ZHX2: variants seen among roughly 807,000 people sequenced by gnomAD.
ZHX2 encodes the protein zinc fingers and homeoboxes protein 2.
A neutral mutation model predicts 21.9 loss-of-function variants in ZHX2; 6 were observed. The observed-to-expected ratio is 0.27, with a 90% CI of 0.15 to 0.54. ZHX2 has a LOEUF of 0.54. Ranked by LOEUF, ZHX2 falls within the 20% of genes least tolerant of loss-of-function variation. ZHX2 has a pLI of 0.95. For synonymous variants in ZHX2, 434 were observed against 437.1 expected, an observed-to-expected ratio of 0.99 and a Z score of 0.09; for missense variants, 908 against 1,090.7, an observed-to-expected ratio of 0.83 and a Z score of 2.36.
At chr8:122,818,009 GT>G (rs1163139069) in intron 1 of ZHX2, among the ~76,000 whole-genome samples, 1 of 152,254 alleles carries the variant, frequency 6.6e-6, no homozygotes, top group East Asian at 1.9e-4. Flanking sequence ...CAGGGCACTT[GT>G]TATCATTCAA....
At chr8:122,832,671 G>T (rs1245192313) in intron 1 of ZHX2, among the ~76,000 whole-genome samples, 4 of 152,114 alleles carry the variant, frequency 2.6e-5, no homozygotes, top group Non-Finnish European at 5.9e-5. Flanking sequence ...GGAACCCAGA[G>T]CCTAAAATAT....
At chr8:122,918,713 G>A (rs1054194749) in intron 2 of ZHX2, among the ~76,000 whole-genome samples, 21 of 152,134 alleles carry the variant, frequency 1.4e-4, no homozygotes, top group Admixed American at 1.0e-3. Flanking sequence ...TTGGGAGGCC[G>A]AGGCATGTGG....
chr8:122,869,823 G>A (rs1014199290), intron 2 of ZHX2, among the ~76,000 whole-genome samples: 8 of 152,336 alleles, frequency 5.3e-5, no homozygotes, highest in Middle Eastern at 6.8e-3. Flanking sequence ...TCCATGTGCT[G>A]TGCCTTCCTC....
chr8:122,928,218 A>G (rs1189785153), intron 2 of ZHX2, among the ~76,000 whole-genome samples: 1 of 152,174 alleles, frequency 6.6e-6, no homozygotes, highest in African/African-American at 2.4e-5. Context: ...TATCTGTTAA[A>G]TGAATAGAGG....
chr8:122,888,386 C>G (rs956085995), intron 2 of ZHX2, among the ~76,000 whole-genome samples: 1 of 152,140 alleles, frequency 6.6e-6, no homozygotes, highest in Non-Finnish European at 1.5e-5. Context: ...TTCATCACTT[C>G]AAACATGTAC....
At chr8:122,955,895 A>G (rs1813287842) in intron 3 of ZHX2, among the ~76,000 whole-genome samples, 1 of 138,682 alleles carries the variant, frequency 7.2e-6, no homozygotes, top group Non-Finnish European at 1.5e-5. Context: ...CCCAGGCTGG[A>G]ATGCAATGGC....
chr8:122,806,311 A>C (rs978040175), intron 1 of ZHX2, among the ~76,000 whole-genome samples: 3 of 152,314 alleles, frequency 2.0e-5, no homozygotes, highest in Admixed American at 1.3e-4. Flanking sequence ...CTTCCTTTAC[A>C]GGGGCATTTG....
intron 1 of ZHX2, among the ~76,000 whole-genome samples, chr8:122,803,743 G>T (rs1041231195): frequency 2.0e-5 from 3 of 152,050 alleles, no homozygotes; most frequent in South Asian, 2.1e-4. Context: ...TTTCTGTCTT[G>T]GTCCCAGTAG....
intron 1 of ZHX2, among the ~76,000 whole-genome samples, chr8:122,852,033 A>G (rs964942697): frequency 1.3e-5 from 2 of 152,156 alleles, no homozygotes; most frequent in Non-Finnish European, 2.9e-5. Context: ...TTTGAGTACT[A>G]TTTTTGCTGC....
chr8:122,829,820 G>C (rs1456402442), intron 1 of ZHX2, among the ~76,000 whole-genome samples: 1 of 152,234 alleles, frequency 6.6e-6, no homozygotes, highest in Admixed American at 6.5e-5. Flanking sequence ...TGAGTTTGGA[G>C]AGACATTTAC....
At chr8:122,835,360 G>A (rs894208478) in intron 1 of ZHX2, among the ~76,000 whole-genome samples, 1 of 152,230 alleles carries the variant, frequency 6.6e-6, no homozygotes, top group Non-Finnish European at 1.5e-5. Context: ...TCTGCTGAGG[G>A]TTTGAAGGGG....
rs184657906 is a variant in ZHX2 at position 122,790,792 on chromosome 8, G to A, written c.-283+8846G>A. On this transcript the variant is annotated intron_variant, in intron 1 of 3. Coordinates refer to ENST00000314393, the MANE Select transcript of ZHX2 (RefSeq NM_014943.5). ...CTGGCTAATTTTTGTATTTTTAGTAGAGACGGGGTTTCACCATGTTGGCCA... is the reference window on the plus strand; with the variant it reads ...CTGGCTAATTTTTGTATTTTTAGTAAAGACGGGGTTTCACCATGTTGGCCA... Among the ~76,000 whole-genome samples, 1,195 of 152,204 alleles carry A rather than the reference G, an allele frequency of 7.9e-3. 8 individuals carry two copies. Among genetic ancestry groups the A allele is most frequent in the Middle Eastern group, 0.014 (4 of 294 alleles).
intron 1 of ZHX2, among the ~76,000 whole-genome samples, chr8:122,805,052 G>A (rs904693188): frequency 6.6e-6 from 1 of 152,092 alleles, no homozygotes; most frequent in Non-Finnish European, 1.5e-5. Context: ...TTCATTCTGT[G>A]ACACTAAGAA....
chr8:122,850,103 T>C (rs1818851988), intron 1 of ZHX2, among the ~76,000 whole-genome samples: 1 of 152,144 alleles, frequency 6.6e-6, no homozygotes, highest in South Asian at 2.1e-4. Context: ...TCCTGCAAAT[T>C]ATCCACATTT....
intron 2 of ZHX2, among the ~76,000 whole-genome samples, chr8:122,916,120 C>T (rs16897643): frequency 0.012 from 1,861 of 152,312 alleles, 39 homozygotes; most frequent in African/African-American, 0.042. Flanking sequence ...TTGGCTCCTC[C>T]GTGCCTTTCA....
At chr8:122,865,449 G>A (rs147337529) in intron 2 of ZHX2, among the ~76,000 whole-genome samples, 1 of 152,312 alleles carries the variant, frequency 6.6e-6, no homozygotes, top group East Asian at 1.9e-4. Context: ...TCTTTAAGCA[G>A]GACTTGAGCT....
chr8:122,944,737 G>A (rs1812927431), intron 2 of ZHX2, among the ~76,000 whole-genome samples: 1 of 152,226 alleles, frequency 6.6e-6, no homozygotes, highest in African/African-American at 2.4e-5. Flanking sequence ...ATCACTTTGT[G>A]TGCCATTGAA....
At chr8:122,922,266 T>G (rs1309748897) in intron 2 of ZHX2, among the ~76,000 whole-genome samples, 1 of 143,256 alleles carries the variant, frequency 7.0e-6, no homozygotes, top group Non-Finnish European at 1.5e-5. Flanking sequence ...ACATCACTTG[T>G]GAGTTCATGA....
intron 1 of ZHX2, among the ~76,000 whole-genome samples, chr8:122,849,221 C>G (rs972843979): frequency 7.2e-5 from 11 of 152,310 alleles, no homozygotes; most frequent in Non-Finnish European, 1.6e-4. Context: ...GGCTCTGAGT[C>G]TCCGTTTCCC....
Sources: allele counts gnomAD v4.1 joint callset (sites outside exome capture counted in the v4.1 genomes callset), GRCh38; gene constraint gnomAD v4.1.1; transcripts MANE v1.5; gene names NCBI Gene and HGNC (gene_info 2026-07-23, HGNC 2026-07-21).